The following NUFIP1 variants were observed in gnomAD, a reference collection of about 807,000 sequenced individuals.
NUFIP1 encodes the protein FMR1-interacting protein NUFIP1.
In NUFIP1, 38 loss-of-function variants were observed where a neutral mutation model predicts 56.2. That is an observed-to-expected ratio of 0.68 (90% confidence interval 0.52 to 0.89). The LOEUF is 0.89. Ranked by LOEUF, NUFIP1 falls within the 40% of genes least tolerant of loss-of-function variation. NUFIP1 has a pLI of 0.00. For synonymous variants in NUFIP1, 215 were observed against 212.4 expected, an observed-to-expected ratio of 1.01 and a Z score of -0.10; for missense variants, 567 against 605.8, an observed-to-expected ratio of 0.94 and a Z score of 0.67.
In NUFIP1 at chr13:44,949,753, G is replaced by A; in HGVS notation, c.1107C>T (p.Gly369=). The A allele has an allele frequency of 6.2e-7, 1 of 1,612,726 alleles. No individual in the cohort carries two copies. Among genetic ancestry groups the A allele is most frequent in the South Asian group, 1.1e-5 (1 of 90,810 alleles). The change falls in exon 8 of 10, where the codon GGC becomes GGT. Residue 369 remains glycine, a synonymous_variant. Transcript: ENST00000379161. ...PALCSLMSSY[G]SLSGSESEPE... is the part of the protein sequence containing the mutation. ...GCTCACTCTCTGACCCTGAAAGACTGCCATAGCTACTCATTAGTGAGCATA... is the reference window on the plus strand; with the variant it reads ...GCTCACTCTCTGACCCTGAAAGACTACCATAGCTACTCATTAGTGAGCATA...
Position 44,989,442 on chromosome 13 carries a change from T to C in NUFIP1, c.-6A>G, listed in dbSNP as rs375276456. On this transcript the variant is annotated 5_prime_UTR_variant, in exon 1 of 10. Coordinates refer to ENST00000379161, the MANE Select transcript of NUFIP1 (RefSeq NM_012345.3). The stretch of plus-strand genomic sequence containing the variant: ...TCACTAGTCGGCTCAGCCATACCAC[T>C]GGCGGGTCCGGAGTCTAGCACGCGA... 32 of 1,612,060 alleles carry C rather than the reference T, an allele frequency of 2.0e-5. No individual in the cohort carries two copies. Among genetic ancestry groups the C allele is most frequent in the Middle Eastern group, 1.6e-4 (1 of 6,082 alleles).
At chr13:44,962,113 G>A (rs114207366) in intron 6 of NUFIP1, among the ~76,000 whole-genome samples, 2,053 of 152,134 alleles carry the variant, frequency 0.013, 61 homozygotes, top group African/African-American at 0.046. Flanking sequence ...CCAAAAGAAG[G>A]CAAGAAAGGA....
At chr13:44,961,490 T>C (rs1264723535) in intron 6 of NUFIP1, among the ~76,000 whole-genome samples, 2 of 152,232 alleles carry the variant, frequency 1.3e-5, no homozygotes, top group African/African-American at 4.8e-5. Flanking sequence ...CATAACATTT[T>C]TGAAATAATT....
intron 8 of NUFIP1, among the ~76,000 whole-genome samples, chr13:44,945,116 T>G (rs1006867169): frequency 1.3e-5 from 2 of 151,726 alleles, no homozygotes; most frequent in African/African-American, 2.4e-5. Context: ...ATTAATAAAA[T>G]TAATAAATGC....
chr13:44,969,313 C>T (rs1871722358), intron 5 of NUFIP1, among the ~76,000 whole-genome samples: 1 of 151,956 alleles, frequency 6.6e-6, no homozygotes, highest in Non-Finnish European at 1.5e-5. Flanking sequence ...CCCCACTCCA[C>T]CAACATGAAG....
chr13:44,944,867 A>G (rs1006157357), intron 8 of NUFIP1, among the ~76,000 whole-genome samples: 1 of 152,116 alleles, frequency 6.6e-6, no homozygotes, highest in Non-Finnish European at 1.5e-5. Flanking sequence ...AATAAAAATG[A>G]AAACATAATG....
rs967964231 is a variant in NUFIP1 at position 44,943,351 on chromosome 13, A to C, written c.1371+91T>G. 1.2e-5 allele frequency: 11 copies of C among 938,674 alleles called. No individual in the cohort carries two copies. The highest frequency in any genetic ancestry group is 3.5e-5 in the South Asian group (2 of 57,484). 58.1% of individuals were successfully genotyped at this position (938,674 alleles called of 1,614,324 possible). ...ATGTGTCTCTGGTAACCTTAAAACAAACACACACACACACACACACACACA... is the reference window on the plus strand; with the variant it reads ...ATGTGTCTCTGGTAACCTTAAAACACACACACACACACACACACACACACA... On this transcript the variant is annotated intron_variant, in intron 9 of 9. Coordinates refer to ENST00000379161, the MANE Select transcript of NUFIP1 (RefSeq NM_012345.3).
At chr13:44,984,541 C>T (rs1872313900) in intron 1 of NUFIP1, among the ~76,000 whole-genome samples, 1 of 152,098 alleles carries the variant, frequency 6.6e-6, no homozygotes, top group African/African-American at 2.4e-5. Context: ...ACTCAGGAGG[C>T]TGAGGCAGAA....
intron 5 of NUFIP1, 79 bp downstream of exon 5, chr13:44,979,111 G>T: frequency 8.9e-7 from 1 of 1,121,184 alleles, no homozygotes; most frequent in Non-Finnish European, 1.3e-6. Flanking sequence ...ACATTCTAAG[G>T]GAATTCAATG....
At chr13:44,960,801 G>A (rs1424317561) in intron 6 of NUFIP1, among the ~76,000 whole-genome samples, 1 of 152,062 alleles carries the variant, frequency 6.6e-6, no homozygotes, top group African/African-American at 2.4e-5. Flanking sequence ...GGTGGCTCAC[G>A]CCTTTAATTT....
chr13:44,940,489 G>C lies in NUFIP1; in HGVS notation c.*717C>G, dbSNP rs1183013081. ...AAGGACAGACCAATAGCTACAGCTA[G>C]TACAATGACTAGAACACAAGCTCAA... is the stretch of plus-strand genomic sequence containing the variant. On this transcript the variant is annotated 3_prime_UTR_variant, in exon 10 of 10. Transcript: ENST00000379161. The C allele has an allele frequency of 6.6e-6, 1 of 152,224 alleles. No individual in the cohort carries two copies. The highest frequency in any genetic ancestry group is 1.5e-5 in the Non-Finnish European group (1 of 68,048). The allele number at this position is 152,224 out of a possible 1,614,324, so 9.4% of individuals were successfully genotyped here.
intron 1 of NUFIP1, among the ~76,000 whole-genome samples, chr13:44,985,488 C>G (rs1872351101): frequency 6.6e-6 from 1 of 152,184 alleles, no homozygotes; most frequent in Non-Finnish European, 1.5e-5. Context: ...TCTGCGGCAA[C>G]CCTACATCAA....
In NUFIP1 at chr13:44,949,952, T is replaced by C; in HGVS notation, c.1022-114A>G. 4.1e-6 allele frequency: 3 copies of C among 736,392 alleles called. No individual in the cohort carries two copies. The Admixed American group carries it at 6.1e-5, about 15-fold the overall frequency. 45.6% of individuals were successfully genotyped at this position (736,392 alleles called of 1,614,324 possible). The stretch of plus-strand genomic sequence containing the variant: ...GTAATTTCTGATCATTTCCTTAATC[T>C]TTCCAAAAGACTAATTCTAGGGGGC... On this transcript the variant is annotated intron_variant, in intron 7 of 9. Coordinates refer to ENST00000379161, the MANE Select transcript of NUFIP1 (RefSeq NM_012345.3).
Position 44,982,065 on chromosome 13 carries a change from C to G in NUFIP1, c.495+7G>C, listed in dbSNP as rs150329974. 19 of 1,465,412 alleles carry G rather than the reference C, an allele frequency of 1.3e-5. No individual in the cohort carries two copies. The African/African-American group carries it at 2.7e-4, about 21-fold the overall frequency. The allele number at this position is 1,465,412 out of a possible 1,614,324, so 90.8% of individuals were successfully genotyped here. A position where few individuals can be genotyped will look rare whatever the true frequency, so the allele number is the denominator to read the frequency against. On this transcript the variant is annotated splice_region_variant and intron_variant, in intron 2 of 9. Coordinates refer to ENST00000379161, the MANE Select transcript of NUFIP1 (RefSeq NM_012345.3). ...AGGGGTCAAATTCAAGAACATCTTT[C>G]AAATACCTTTTTTTTCTGTTTTCTA... is the stretch of plus-strand genomic sequence containing the variant.
At position 44,940,070 on chromosome 13, in the gene NUFIP1, T is replaced by C. The variant is rs542157387; in HGVS notation, c.*1136A>G. 1.3e-5 allele frequency: 2 copies of C among 152,322 alleles called. No homozygotes were observed. The highest frequency in any genetic ancestry group is 4.1e-4 in the South Asian group (2 of 4,824). The allele number at this position is 152,322 out of a possible 1,614,324, so 9.4% of individuals were successfully genotyped here. On this transcript the variant is annotated 3_prime_UTR_variant, in exon 10 of 10. Transcript: ENST00000379161. ...CTTATTTATTTGTATACCTTTAATA[T>C]AGGCACAATAGAGGTACAAAGAGTA...
At chr13:44,971,008 A>T (rs933318550) in intron 5 of NUFIP1, among the ~76,000 whole-genome samples, 1 of 152,180 alleles carries the variant, frequency 6.6e-6, no homozygotes, top group African/African-American at 2.4e-5. Flanking sequence ...GCTAGTGGGG[A>T]TAGTATTTAT....
At chr13:44,982,029 CAT>C in intron 2 of NUFIP1, 41 bp downstream of exon 2, 1 of 1,069,942 alleles carries the variant, frequency 9.3e-7, no homozygotes. Context: ...GAAACAGTAA[CAT>C]AGGGACCAAG....
chr13:44,959,769 G>A (rs1871360212), intron 6 of NUFIP1, among the ~76,000 whole-genome samples, 195 bp from the exon 7 acceptor site: 1 of 151,974 alleles, frequency 6.6e-6, no homozygotes, highest in Admixed American at 6.6e-5. Context: ...ACTTTAGAAG[G>A]ACAGCACCCC....
chr13:44,988,146 G>A (rs528681931), intron 1 of NUFIP1, among the ~76,000 whole-genome samples: 2 of 152,318 alleles, frequency 1.3e-5, no homozygotes, highest in East Asian at 1.9e-4. Context: ...CTGGCCCGGC[G>A]TGGTGGCTCA....
Sources: gnomAD v4.1 joint callset for allele counts (sites outside exome capture counted in the v4.1 genomes callset) on GRCh38, gnomAD v4.1.1 for gene constraint, MANE v1.5 for transcripts, NCBI Gene and HGNC (gene_info 2026-07-23, HGNC 2026-07-21) for gene names.